Variants in CCDC91 observed in about 807,000 individuals in gnomAD.
CCDC91 encodes the protein coiled-coil domain-containing protein 91.
A neutral mutation model predicts 63.2 loss-of-function variants in CCDC91; 48 were observed. The ratio of observed to expected loss-of-function variants is 0.76; its 90% CI spans 0.60 to 0.97. The LOEUF (loss-of-function observed/expected upper bound fraction) is 0.97. Among genes scored for constraint, CCDC91 ranks in the 50% least tolerant of loss-of-function variants. CCDC91 has a pLI of 0.00. For missense variants in CCDC91, 500 were observed against 494.6 expected (o/e 1.01, Z -0.10); for synonymous variants, 167 against 165.8 (o/e 1.01, Z -0.06).
intron 1 of CCDC91, among the ~76,000 whole-genome samples, chr12:28,203,191 T>G (rs1942594335): frequency 6.6e-6 from 1 of 152,298 alleles, no homozygotes. Context: ...GCCATAAAAC[T>G]TGCTTTTCTT....
chr12:28,194,921 G>C (rs1386554255), intron 1 of CCDC91, among the ~76,000 whole-genome samples: 1 of 152,234 alleles, frequency 6.6e-6, no homozygotes, highest in Admixed American at 6.5e-5. Flanking sequence ...TACCTTCACT[G>C]TGAGTGTTAC....
chr12:28,501,082 G>A (rs1937776660), intron 12 of CCDC91, among the ~76,000 whole-genome samples: 1 of 151,708 alleles, frequency 6.6e-6, no homozygotes, highest in Non-Finnish European at 1.5e-5. Context: ...AAATACAAGT[G>A]ATTATAAATT....
intron 1 of CCDC91, among the ~76,000 whole-genome samples, chr12:28,236,045 T>G (rs1944925398): frequency 6.6e-6 from 1 of 152,154 alleles, no homozygotes; most frequent in Non-Finnish European, 1.5e-5. Context: ...TATGCTTTGC[T>G]GTTGGAAGTA....
In CCDC91 at chr12:28,257,186, A is replaced by G; in HGVS notation, c.-14-16A>G. The G allele has an allele frequency of 1.3e-6, 2 of 1,578,930 alleles. No homozygotes were observed. The highest frequency in any genetic ancestry group is 1.7e-6 in the Non-Finnish European group (2 of 1,148,538). ...TGTGTGTGTGCGGGCTTGTTTCAATATCTTATATTTTTCAGGTGCCACTTG... is the reference window on the plus strand; with the variant it reads ...TGTGTGTGTGCGGGCTTGTTTCAATGTCTTATATTTTTCAGGTGCCACTTG... On this transcript the variant is annotated splice_polypyrimidine_tract_variant and intron_variant, in intron 1 of 12. Coordinates refer to ENST00000536442, the MANE Select transcript of CCDC91 (RefSeq NM_018318.5).
chr12:28,445,813 G>T (rs1413446792), intron 8 of CCDC91, among the ~76,000 whole-genome samples: 1 of 152,126 alleles, frequency 6.6e-6, no homozygotes, highest in African/African-American at 2.4e-5. Context: ...GAGAGAATAC[G>T]CGAGTGCTCT....
At chr12:28,529,720 C>T (rs1941579775) in intron 12 of CCDC91, among the ~76,000 whole-genome samples, 2 of 152,038 alleles carry the variant, frequency 1.3e-5, no homozygotes, top group Non-Finnish European at 2.9e-5. Flanking sequence ...GTTAAGAAGG[C>T]GAATCTAGTT....
intron 12 of CCDC91, among the ~76,000 whole-genome samples, chr12:28,491,418 G>A (rs1951997055): frequency 6.6e-6 from 1 of 151,672 alleles, no homozygotes; most frequent in Admixed American, 6.6e-5. Flanking sequence ...ACTCCTTAAC[G>A]AATTAAGTGA....
intron 8 of CCDC91, among the ~76,000 whole-genome samples, chr12:28,424,503 A>G (rs1166639730): frequency 3.3e-5 from 5 of 152,184 alleles, no homozygotes; most frequent in Non-Finnish European, 4.4e-5. Flanking sequence ...TACTCTTTGA[A>G]TAAATGATAC....
At chr12:28,499,355 T>TTTCTATTATTA (rs60024235) in intron 12 of CCDC91, among the ~76,000 whole-genome samples, 1 of 151,002 alleles carries the variant, frequency 6.6e-6, no homozygotes, top group Admixed American at 6.6e-5. Flanking sequence ...GCACCTCACT[T>TTTCTATTATTA]TTATTATTAT....
intron 8 of CCDC91, among the ~76,000 whole-genome samples, chr12:28,447,296 G>T (rs1700984179): frequency 6.6e-6 from 1 of 151,724 alleles, no homozygotes; most frequent in South Asian, 2.1e-4. Flanking sequence ...AGTTCCAAAA[G>T]GTTACAGAAT....
At chr12:28,233,439 G>C (rs1232253823) in intron 1 of CCDC91, among the ~76,000 whole-genome samples, 1 of 152,140 alleles carries the variant, frequency 6.6e-6, no homozygotes, top group Non-Finnish European at 1.5e-5. Flanking sequence ...AAAAATGTTA[G>C]AGAACATCTC....
At chr12:28,205,221 C>T (rs528088008) in intron 1 of CCDC91, among the ~76,000 whole-genome samples, 18 of 150,494 alleles carry the variant, frequency 1.2e-4, no homozygotes, top group South Asian at 4.2e-4. Flanking sequence ...GAGGGAAAGG[C>T]GAATGAAGGT....
chr12:28,374,315 G>A (rs1279262971), intron 7 of CCDC91, among the ~76,000 whole-genome samples: 1 of 152,034 alleles, frequency 6.6e-6, no homozygotes, highest in South Asian at 2.1e-4. Context: ...GTTTGTTTAC[G>A]TCATCTGGTC....
intron 12 of CCDC91, among the ~76,000 whole-genome samples, chr12:28,511,928 T>C (rs1939421402): frequency 6.6e-6 from 1 of 151,862 alleles, no homozygotes; most frequent in Non-Finnish European, 1.5e-5. Flanking sequence ...TCTAGGACTT[T>C]TCATGTTTTC....
chr12:28,486,838 G>T (rs1277268726), intron 12 of CCDC91, among the ~76,000 whole-genome samples: 1 of 151,952 alleles, frequency 6.6e-6, no homozygotes, highest in East Asian at 1.9e-4. Context: ...GCTTTCATTT[G>T]CACTGAAGTT....
At chr12:28,462,080 C>A (rs540962929) in intron 11 of CCDC91, among the ~76,000 whole-genome samples, 1 of 151,732 alleles carries the variant, frequency 6.6e-6, no homozygotes, top group South Asian at 2.1e-4. Context: ...GAAGGTAATG[C>A]AGCAATACTT....
intron 12 of CCDC91, among the ~76,000 whole-genome samples, chr12:28,490,796 A>G (rs1338868003): frequency 6.6e-6 from 1 of 151,846 alleles, no homozygotes. Flanking sequence ...CTCCCACTTT[A>G]TATTTTATCA....
Position 28,352,395 on chromosome 12 carries a change from ACTT to A in CCDC91, c.577-10039_577-10037del, listed in dbSNP as rs377533375. On this transcript the variant is annotated intron_variant, in intron 6 of 12. Transcript: ENST00000536442. ...GTGATAGCATTTTACCCAAAATAAAACTTCTTTCAAAATTGGAGTAAGTTCTCT... is the reference window on the plus strand; with the variant it reads ...GTGATAGCATTTTACCCAAAATAAAACTTTCAAAATTGGAGTAAGTTCTCT... 2.1e-3 allele frequency among the ~76,000 whole-genome samples: 325 copies of A among 152,258 alleles called. 3 individuals carry two copies. Among genetic ancestry groups the A allele is most frequent in the African/African-American group, 7.4e-3 (307 of 41,556 alleles).
intron 1 of CCDC91, among the ~76,000 whole-genome samples, chr12:28,217,295 A>G (rs1363402436): frequency 1.3e-5 from 2 of 152,182 alleles, no homozygotes; most frequent in Non-Finnish European, 1.5e-5. Flanking sequence ...AATTCATTAT[A>G]TCCTTTAAAT....
Sources: allele counts gnomAD v4.1 joint callset (sites outside exome capture counted in the v4.1 genomes callset), GRCh38; gene constraint gnomAD v4.1.1; transcripts MANE v1.5; gene names NCBI Gene and HGNC (gene_info 2026-07-23, HGNC 2026-07-21).